ATAD2B: variants seen among roughly 807,000 people sequenced by gnomAD.
The protein encoded by ATAD2B is ATPase family AAA domain containing 2B.
Under a neutral mutation model 167.6 loss-of-function variants are expected in ATAD2B, and 40 were observed. The ratio of observed to expected loss-of-function variants is 0.24; its 90% confidence interval spans 0.19 to 0.31. The LOEUF is 0.31. ATAD2B is among the 10% of genes least tolerant of loss of function. ATAD2B has a pLI of 1.00. For synonymous variants in ATAD2B, 579 were observed against 596.5 expected, an observed-to-expected ratio of 0.97 and a Z score of 0.43; for missense variants, 1,242 against 1,757.2, an observed-to-expected ratio of 0.71 and a Z score of 5.24.
intron 12 of ATAD2B, among the ~76,000 whole-genome samples, chr2:23,862,081 T>C (rs1694456244): frequency 6.6e-6 from 1 of 152,188 alleles, no homozygotes; most frequent in East Asian, 1.9e-4. Flanking sequence ...ACACCTGTAG[T>C]TCTACCTAGA....
the ATAD2B span, among the ~76,000 whole-genome samples, chr2:23,734,700 A>G: frequency 1.3e-5 from 2 of 152,236 alleles, no homozygotes; most frequent in East Asian, 1.9e-4. Context: ...GCAAGGGGGA[A>G]GTCTGCCTCC....
chr2:23,732,240 C>T, the ATAD2B span, among the ~76,000 whole-genome samples: 15 of 152,118 alleles, frequency 9.9e-5, no homozygotes, highest in African/African-American at 3.4e-4. Flanking sequence ...AGATCAAAAC[C>T]TGGTTTCTTC....
intron 1 of ATAD2B, among the ~76,000 whole-genome samples, chr2:23,924,524 T>C (rs1704434205): frequency 2.0e-5 from 3 of 152,322 alleles, no homozygotes; most frequent in South Asian, 4.1e-4. Context: ...TTCAGAATTA[T>C]AATTTATCCT....
At chr2:23,768,808 T>C (rs1677851590) in intron 22 of ATAD2B, among the ~76,000 whole-genome samples, 1 of 152,178 alleles carries the variant, frequency 6.6e-6, no homozygotes, top group African/African-American at 2.4e-5. Flanking sequence ...TAAAAATAAT[T>C]ATTGGTCCCT....
At chr2:23,910,196 A>G (rs1255443500) in intron 1 of ATAD2B, among the ~76,000 whole-genome samples, 1 of 73,862 alleles carries the variant, frequency 1.4e-5, no homozygotes, top group South Asian at 3.9e-4. Flanking sequence ...TTTTTTTTTT[A>G]GACAAGAGTT....
chr2:23,827,790 C>T (rs1688470500), intron 15 of ATAD2B: 1 of 152,644 alleles, frequency 6.6e-6, no homozygotes. Flanking sequence ...TTTACGTTTT[C>T]TCCTCACCAG....
At chr2:23,764,982 T>C (rs1418105456) in intron 23 of ATAD2B, among the ~76,000 whole-genome samples, 1 of 152,234 alleles carries the variant, frequency 6.6e-6, no homozygotes, top group African/African-American at 2.4e-5. Context: ...AACCAGTGCA[T>C]ACACCACACT....
rs1573161584 is a variant in ATAD2B, at chr2:23,872,463, C to T, written c.978-2702G>A. On this transcript the variant is annotated intron_variant, in intron 8 of 27. Coordinates refer to ENST00000238789, the MANE Select transcript of ATAD2B (RefSeq NM_017552.4). The stretch of plus-strand genomic sequence containing the variant: ...AGAGGCTGTTGCCATGCACTGCAAT[C>T]AGCACCCATTTCCCCTCTTTTACCA... 1.2e-5 allele frequency: 9 copies of T among 736,250 alleles called. No homozygotes were observed. The East Asian group carries it at 2.3e-4, about 19-fold the overall frequency. The allele number at this position is 736,250 out of a possible 1,614,324, so 45.6% of individuals were successfully genotyped here. A position where few individuals can be genotyped will look rare whatever the true frequency, so the allele number is the denominator to read the frequency against.
intron 2 of ATAD2B, among the ~76,000 whole-genome samples, chr2:23,890,599 C>G (rs1699340632): frequency 6.6e-6 from 1 of 152,086 alleles, no homozygotes; most frequent in Non-Finnish European, 1.5e-5. Context: ...TCTTTAGACC[C>G]AACAAAGCAT....
intron 8 of ATAD2B, chr2:23,872,945 C>T (rs1007925129): frequency 1.1e-5 from 8 of 755,878 alleles, no homozygotes; most frequent in African/African-American, 5.1e-5. Context: ...TTGTACCAGT[C>T]GCTGAAGCAG....
intron 1 of ATAD2B, among the ~76,000 whole-genome samples, chr2:23,903,697 G>C (rs1175685861): frequency 6.6e-6 from 1 of 152,110 alleles, no homozygotes; most frequent in Non-Finnish European, 1.5e-5. Context: ...CTAAAAGCTG[G>C]ATTTTAATCT....
chr2:23,818,117 AC>A (rs1686784470), intron 17 of ATAD2B, among the ~76,000 whole-genome samples: 1 of 89,708 alleles, frequency 1.1e-5, no homozygotes, highest in Non-Finnish European at 2.4e-5. Context: ...ACACACACAC[AC>A]ACATTACACA....
chr2:23,687,378 G>A, the ATAD2B span, among the ~76,000 whole-genome samples: 2 of 152,204 alleles, frequency 1.3e-5, no homozygotes, highest in African/African-American at 4.8e-5. Context: ...CCCCAGGGAG[G>A]ACAATGACCC....
At chr2:23,845,413 A>T (rs1380719550) in intron 13 of ATAD2B, among the ~76,000 whole-genome samples, 1 of 151,900 alleles carries the variant, frequency 6.6e-6, no homozygotes, top group East Asian at 1.9e-4. Context: ...GTTCCTCAAA[A>T]CCATTATACT....
At chr2:23,770,979 C>T (rs1338979030) in intron 22 of ATAD2B, among the ~76,000 whole-genome samples, 4 of 152,162 alleles carry the variant, frequency 2.6e-5, no homozygotes, top group African/African-American at 9.7e-5. Flanking sequence ...TGACATATAT[C>T]TCCATTTATT....
the ATAD2B span, among the ~76,000 whole-genome samples, chr2:23,736,635 T>A: frequency 6.6e-6 from 1 of 152,030 alleles, no homozygotes; most frequent in Non-Finnish European, 1.5e-5. Context: ...AGATGGGTGG[T>A]TTCTGCATTT....
chr2:23,693,628 C>A, the ATAD2B span: 1 of 1,228,570 alleles, frequency 8.1e-7, no homozygotes, highest in Admixed American at 2.2e-5. Context: ...CCTTCCTTGT[C>A]CTGCTCTCCC....
chr2:23,696,252 C>A, the ATAD2B span: 2 of 1,491,392 alleles, frequency 1.3e-6, no homozygotes, highest in Non-Finnish European at 1.8e-6. The surrounding 1 kb of genome is among the most constrained non-coding windows in gnomAD (Gnocchi z 5.5). Context: ...TGAAGCCTTC[C>A]TCTGCCCCTG....
chr2:23,885,939 C>CT (rs57104581), intron 4 of ATAD2B, 110 bp from the exon 5 acceptor site: 26 of 620,536 alleles, frequency 4.2e-5, no homozygotes, highest in East Asian at 9.6e-5. Flanking sequence ...CTACACACAA[C>CT]TTTTTTTTCT....
Sources: gnomAD v4.1 joint callset for allele counts (sites outside exome capture counted in the v4.1 genomes callset) on GRCh38, gnomAD v4.1.1 for gene constraint, Gnocchi (gnomAD v3.1) non-coding constraint, MANE v1.5 for transcripts, NCBI Gene and HGNC (gene_info 2026-07-23, HGNC 2026-07-21) for gene names.